HPS5: variants seen among roughly 807,000 people sequenced by gnomAD.
HPS5 encodes BLOC-2 complex member HPS5.
Under a neutral mutation model 128.0 loss-of-function variants are expected in HPS5, and 83 were observed. The observed-to-expected ratio is 0.65, with a 90% CI of 0.54 to 0.78. HPS5 has a LOEUF of 0.78. Among genes scored for constraint, HPS5 ranks in the 30% least tolerant of loss-of-function variants. HPS5 has a pLI of 0.00. For missense variants in HPS5, 1,281 were observed against 1,326.2 expected, an observed-to-expected ratio of 0.97 and a Z score of 0.53; for synonymous variants, 475 against 470.2, an observed-to-expected ratio of 1.01 and a Z score of -0.13.
rs762693856 is a variant in HPS5, at chr11:18,291,915, A to G, written c.1967T>C (p.Phe656Ser). ...HLEKTFAMKD[F>S]SGVSDTDNSS... ...GTTGTCAGTATCTGAAACACCTGAA[A>G]AGTCCTTCATGGCAAATGTTTTTTC... Residue 656 changes from phenylalanine to serine, a missense_variant, in exon 16 of 23, where the codon TTT becomes TCT. Transcript: ENST00000349215. 42 of 1,609,232 alleles carry G rather than the reference A, an allele frequency of 2.6e-5. No homozygotes were observed. In the South Asian group the frequency reaches 4.4e-4, roughly 17 times the overall value.
intron 15 of HPS5, among the ~76,000 whole-genome samples, chr11:18,292,438 C>T (rs1860528485): frequency 6.6e-6 from 1 of 152,156 alleles, no homozygotes; most frequent in Non-Finnish European, 1.5e-5. Context: ...AAGCGATCCG[C>T]CCACCTCAGC....
intron 8 of HPS5, among the ~76,000 whole-genome samples, chr11:18,302,916 G>A (rs1425045135): frequency 1.4e-5 from 2 of 141,894 alleles, no homozygotes; most frequent in African/African-American, 5.3e-5. Context: ...AAATTCCTTA[G>A]GAATAGCAAC....
At chr11:18,301,189 C>G (rs1861658139) in intron 8 of HPS5, among the ~76,000 whole-genome samples, 1 of 152,022 alleles carries the variant, frequency 6.6e-6, no homozygotes, top group African/African-American at 2.4e-5. Context: ...GGTGCAGTGG[C>G]TCACGCCTGT....
chr11:18,292,697 A>G (rs1012373296), intron 15 of HPS5, among the ~76,000 whole-genome samples: 6 of 152,216 alleles, frequency 3.9e-5, no homozygotes, highest in African/African-American at 1.4e-4. Context: ...GCTGCCAAGA[A>G]TGAAAACTTC....
Position 18,317,822 on chromosome 11 carries a change from G to T in HPS5, c.37C>A (p.His13Asn), listed in dbSNP as rs746420792. ...AGAGATTCAAACTCTGCAAGAACAT[G>T]GCTGTAGGACTCTGGTATCACTGGC... ...FVPVIPESYS[H>N]VLAEFESLDP... The change falls in exon 2 of 23, where the codon CAT (histidine) becomes AAT (asparagine). Residue 13 changes from histidine to asparagine, a missense_variant. Physicochemically the swap from His to Asn is moderately conservative, Grantham distance 68. Transcript: ENST00000349215. 4 of 1,613,694 alleles carry T rather than the reference G, an allele frequency of 2.5e-6. No homozygotes were observed. The highest frequency in any genetic ancestry group is 3.4e-6 in the Non-Finnish European group (4 of 1,179,744).
intron 13 of HPS5, among the ~76,000 whole-genome samples, chr11:18,295,399 C>T (rs938289601): frequency 1.3e-5 from 2 of 152,158 alleles, no homozygotes; most frequent in African/African-American, 2.4e-5. Flanking sequence ...AGTGTTTCAG[C>T]GCTAAAGAAA....
intron 15 of HPS5, among the ~76,000 whole-genome samples, chr11:18,292,434 TC>T (rs1194321414): frequency 6.6e-6 from 1 of 152,158 alleles, no homozygotes; most frequent in Non-Finnish European, 1.5e-5. Flanking sequence ...GCTCAAGCGA[TC>T]CGCCCACCTC....
At chr11:18,311,014 C>T (rs1360301600) in intron 4 of HPS5, 81 bp from the exon 5 acceptor site, 1 of 948,450 alleles carries the variant, frequency 1.1e-6, no homozygotes, top group Admixed American at 1.7e-5. Flanking sequence ...TCAACTATAT[C>T]AAATACATAT....
intron 20 of HPS5, 88 bp from the exon 21 acceptor site, chr11:18,283,989 T>C (rs559230402): frequency 2.4e-6 from 2 of 823,034 alleles, no homozygotes; most frequent in South Asian, 1.4e-5. Flanking sequence ...CACAGTCACA[T>C]GTGGCTATTT....
intron 2 of HPS5, among the ~76,000 whole-genome samples, chr11:18,316,406 G>C (rs962013970): frequency 1.3e-5 from 2 of 152,118 alleles, no homozygotes; most frequent in African/African-American, 4.8e-5. Context: ...TGAAGAGACA[G>C]TTTTCTCTTG....
chr11:18,298,446 G>A (rs548290746), intron 10 of HPS5, among the ~76,000 whole-genome samples: 1 of 152,078 alleles, frequency 6.6e-6, no homozygotes, highest in East Asian at 1.9e-4. Flanking sequence ...AGTGGGCCGA[G>A]ATTGCGCCAC....
At chr11:18,284,273 A>G (rs1859403597) in intron 20 of HPS5, among the ~76,000 whole-genome samples, 1 of 152,208 alleles carries the variant, frequency 6.6e-6, no homozygotes. Context: ...AAAATTCAAC[A>G]CAAACCTAGC....
chr11:18,320,337 T>C (rs1177304054), intron 1 of HPS5, among the ~76,000 whole-genome samples: 1 of 152,166 alleles, frequency 6.6e-6, no homozygotes, highest in Admixed American at 6.5e-5. Flanking sequence ...AAAAGATTCA[T>C]AGGTAATTCA....
chr11:18,290,974 T>A (rs932411882), intron 16 of HPS5, among the ~76,000 whole-genome samples: 5 of 152,220 alleles, frequency 3.3e-5, no homozygotes, highest in Non-Finnish European at 5.9e-5. Context: ...ATCCCAACAC[T>A]TTGGGAGGCC....
chr11:18,287,829 G>T, intron 17 of HPS5, 64 bp downstream of exon 17: 1 of 1,607,358 alleles, frequency 6.2e-7, no homozygotes, highest in Middle Eastern at 1.7e-4. Flanking sequence ...ACATGTTAGA[G>T]ACTAAAATAC....
At chr11:18,313,044 T>C (rs1863185944) in intron 2 of HPS5, among the ~76,000 whole-genome samples, 1 of 152,240 alleles carries the variant, frequency 6.6e-6, no homozygotes. Flanking sequence ...TTTCCTCAGA[T>C]GCTAGTATCT....
intron 14 of HPS5, among the ~76,000 whole-genome samples, chr11:18,293,394 G>C (rs552575951): frequency 6.6e-6 from 1 of 152,182 alleles, no homozygotes; most frequent in Admixed American, 6.5e-5. Context: ...GAATGGTCCC[G>C]ATCTCCTGAC....
At chr11:18,310,715 A>G (rs975638109) in intron 5 of HPS5, 26 bp downstream of exon 5, 1 of 1,562,348 alleles carries the variant, frequency 6.4e-7, no homozygotes. Flanking sequence ...CTCACTACAT[A>G]CACAAAGAAT....
rs778863070 is a variant in HPS5 at position 18,283,852 on chromosome 11, CTCT to C, written c.2998_3000del (p.Arg1000del). ...AGATACACAATATTGGTGAAGGCCT[CTCT>C]TCTTCTCTCCAGCTCCAAACAGAGA... On this transcript the variant is annotated inframe_deletion, in exon 21 of 23. Coordinates refer to ENST00000349215, the MANE Select transcript of HPS5 (RefSeq NM_181507.2). 15 of 1,613,376 alleles carry C rather than the reference CTCT, an allele frequency of 9.3e-6. No homozygotes were observed. Among genetic ancestry groups the C allele is most frequent in the African/African-American group, 2.7e-5 (2 of 74,918 alleles).
Sources: allele counts gnomAD v4.1 joint callset (sites outside exome capture counted in the v4.1 genomes callset), GRCh38; gene constraint gnomAD v4.1.1; transcripts MANE v1.5; gene names NCBI Gene and HGNC (gene_info 2026-07-23, HGNC 2026-07-21).